The following GTF2F2 variants were observed in gnomAD, a reference collection of about 807,000 sequenced individuals.
GTF2F2 encodes general transcription factor IIF subunit 2.
GTF2F2 carries 23 observed loss-of-function variants against 42.2 expected under a neutral mutation model. That is an observed-to-expected ratio of 0.55 (90% confidence interval 0.39 to 0.77). The LOEUF is 0.77. Among genes scored for constraint, GTF2F2 ranks in the 30% least tolerant of loss-of-function variants. The pLI is 0.00. For missense variants in GTF2F2, 261 were observed against 287.2 expected, an observed-to-expected ratio of 0.91 and a Z score of 0.66; for synonymous variants, 105 against 100.8, an observed-to-expected ratio of 1.04 and a Z score of -0.25.
At position 45,228,283 on chromosome 13, in the gene GTF2F2, C is replaced by CTT. The variant is rs372901327; in HGVS notation, c.386+20793_386+20794dup. Among the ~76,000 whole-genome samples the CTT allele has an allele frequency of 1.7e-4, 16 of 92,698 alleles. 1 individual carries two copies. Among genetic ancestry groups the CTT allele is most frequent in the African/African-American group, 2.8e-4 (5 of 17,622 alleles). The allele number at this position is 92,698 out of a possible 152,430, so 60.8% of individuals were successfully genotyped here. A position where few individuals can be genotyped will look rare whatever the true frequency, so the allele number is the denominator to read the frequency against. On this transcript the variant is annotated intron_variant, in intron 5 of 7. Coordinates refer to ENST00000340473, the MANE Select transcript of GTF2F2 (RefSeq NM_004128.3). ...TTTCCTTATTGCTGCCAGAGTTAAT[C>CTT]TTTTTTTTTTTTTTTTGGAGACGGA... is the stretch of plus-strand genomic sequence containing the variant.
intron 4 of GTF2F2, among the ~76,000 whole-genome samples, chr13:45,185,814 T>C (rs551333091): frequency 6.6e-6 from 1 of 152,338 alleles, no homozygotes; most frequent in East Asian, 1.9e-4. Context: ...ATCTCACCTT[T>C]ATTAGTAATT....
intron 2 of GTF2F2, among the ~76,000 whole-genome samples, chr13:45,146,750 A>G (rs1761482830): frequency 6.6e-6 from 1 of 152,218 alleles, no homozygotes; most frequent in Non-Finnish European, 1.5e-5. Context: ...CAGAGTAGTA[A>G]AGGAGAAAAT....
At chr13:45,138,024 C>A (rs538388578) in intron 2 of GTF2F2, among the ~76,000 whole-genome samples, 1 of 152,288 alleles carries the variant, frequency 6.6e-6, no homozygotes, top group East Asian at 1.9e-4. Flanking sequence ...CAACTAGCAG[C>A]TCTCTTACTT....
At chr13:45,150,664 C>CTTT (rs368061537) in intron 3 of GTF2F2, among the ~76,000 whole-genome samples, 2 of 122,460 alleles carry the variant, frequency 1.6e-5, no homozygotes, top group African/African-American at 7.5e-5. Flanking sequence ...AAAAAATCAT[C>CTTT]TTTTTTTTTT....
chr13:45,164,277 CAAAA>C (rs150777733), intron 4 of GTF2F2, among the ~76,000 whole-genome samples: 6 of 117,918 alleles, frequency 5.1e-5, no homozygotes, highest in Non-Finnish European at 1.1e-4. Context: ...GAGACAGTCT[CAAAA>C]AAAAAAAAAG....
intron 4 of GTF2F2, among the ~76,000 whole-genome samples, chr13:45,186,907 G>A (rs1233637543): frequency 6.6e-6 from 1 of 152,008 alleles, no homozygotes; most frequent in Non-Finnish European, 1.5e-5. Context: ...AATTACTTTT[G>A]AAAAGTTGAG....
chr13:45,281,993 G>A (rs1293245339), intron 7 of GTF2F2, among the ~76,000 whole-genome samples: 2 of 152,142 alleles, frequency 1.3e-5, no homozygotes, highest in Non-Finnish European at 2.9e-5. Context: ...GAGGACAGGA[G>A]TTCGAGACCA....
At chr13:45,231,222 C>T (rs1374329918) in intron 5 of GTF2F2, among the ~76,000 whole-genome samples, 1 of 152,098 alleles carries the variant, frequency 6.6e-6, no homozygotes, top group Non-Finnish European at 1.5e-5. Context: ...ATTCTTCTCC[C>T]TCAGCCTCCC....
chr13:45,254,555 A>G (rs1308591471), intron 6 of GTF2F2, among the ~76,000 whole-genome samples: 1 of 152,206 alleles, frequency 6.6e-6, no homozygotes, highest in Non-Finnish European at 1.5e-5. Flanking sequence ...AAACTACAAC[A>G]GATAAGGTAA....
At chr13:45,179,925 G>A (rs1202810215) in intron 4 of GTF2F2, among the ~76,000 whole-genome samples, 1 of 152,128 alleles carries the variant, frequency 6.6e-6, no homozygotes, top group Non-Finnish European at 1.5e-5. Flanking sequence ...AGAAATACAA[G>A]TTCCCAAGAG....
intron 6 of GTF2F2, among the ~76,000 whole-genome samples, chr13:45,264,220 A>G (rs1276833004): frequency 1.3e-5 from 2 of 151,668 alleles, no homozygotes; most frequent in African/African-American, 4.8e-5. Flanking sequence ...ATTAACTTCA[A>G]TTTGAGATTG....
Position 45,239,020 on chromosome 13 carries a change from T to C in GTF2F2, c.387-13851T>C, listed in dbSNP as rs146390122. ...GAATAAATTGAAAGTAATCAAAATG[T>C]ATAATTATTTGGACAAAATCTCCAG... On this transcript the variant is annotated intron_variant, in intron 5 of 7. Coordinates refer to ENST00000340473, the MANE Select transcript of GTF2F2 (RefSeq NM_004128.3). Among the ~76,000 whole-genome samples the C allele has an allele frequency of 4.4e-3, 666 of 151,766 alleles. 7 individuals carry two copies. The highest frequency in any genetic ancestry group is 6.4e-3 in the Non-Finnish European group (436 of 67,952).
intron 5 of GTF2F2, among the ~76,000 whole-genome samples, chr13:45,218,090 A>G (rs1873963931): frequency 6.6e-6 from 1 of 152,242 alleles, no homozygotes; most frequent in Non-Finnish European, 1.5e-5. Context: ...CTGAAATTAA[A>G]CCATTTATAG....
At chr13:45,248,834 C>G (rs1456319461) in intron 5 of GTF2F2, among the ~76,000 whole-genome samples, 2 of 152,136 alleles carry the variant, frequency 1.3e-5, no homozygotes, top group Non-Finnish European at 2.9e-5. Context: ...CTGGCTGTAT[C>G]TAAGTGATCA....
intron 6 of GTF2F2, among the ~76,000 whole-genome samples, chr13:45,254,080 A>G (rs1273164213): frequency 6.6e-6 from 1 of 152,030 alleles, no homozygotes; most frequent in Non-Finnish European, 1.5e-5. Flanking sequence ...AAAAAAAAAA[A>G]AAAAAAGAAA....
intron 5 of GTF2F2, among the ~76,000 whole-genome samples, chr13:45,229,102 T>C (rs1262312432): frequency 6.6e-6 from 1 of 152,108 alleles, no homozygotes; most frequent in Non-Finnish European, 1.5e-5. Flanking sequence ...AGGCTGGTCT[T>C]GAACTCCTGA....
At chr13:45,219,110 C>T (rs1209459813) in intron 5 of GTF2F2, among the ~76,000 whole-genome samples, 2 of 151,672 alleles carry the variant, frequency 1.3e-5, no homozygotes, top group African/African-American at 4.8e-5. Context: ...GTGGGTCCCT[C>T]ACTTTTATAT....
At chr13:45,176,952 A>AT (rs1291132897) in intron 4 of GTF2F2, among the ~76,000 whole-genome samples, 6 of 150,586 alleles carry the variant, frequency 4.0e-5, no homozygotes, top group South Asian at 4.2e-4. Context: ...TGCGTAGCTA[A>AT]TTTTTTTTTG....
chr13:45,177,017 TG>T (rs1190822822), intron 4 of GTF2F2, among the ~76,000 whole-genome samples: 1 of 152,146 alleles, frequency 6.6e-6, no homozygotes, highest in Non-Finnish European at 1.5e-5. Flanking sequence ...TTTGAACTCC[TG>T]GCCTCAAGTG....
Sources: allele counts gnomAD v4.1 joint callset (sites outside exome capture counted in the v4.1 genomes callset), GRCh38; gene constraint gnomAD v4.1.1; transcripts MANE v1.5; gene names NCBI Gene and HGNC (gene_info 2026-07-23, HGNC 2026-07-21).